TULP2: variants seen among roughly 807,000 people sequenced by gnomAD.
The protein encoded by TULP2 is TUB like protein 2.
TULP2 carries 64 observed loss-of-function variants against 60.3 expected under a neutral mutation model. That is an observed-to-expected ratio of 1.06 (90% CI 0.87 to 1.31). The LOEUF is 1.31. Ranked by LOEUF, TULP2 falls within the 50% of genes most tolerant of loss-of-function variation. The probability of loss-of-function intolerance (pLI) is 0.00; values close to 1 mark genes in which losing one functional copy is unlikely to be tolerated. For synonymous variants in TULP2, 267 were observed against 265.4 expected, an observed-to-expected ratio of 1.01 and a Z score of -0.06; for missense variants, 652 against 667.0, an observed-to-expected ratio of 0.98 and a Z score of 0.25.
intron 9 of TULP2, 150 bp from the exon 10 acceptor site, chr19:48,884,196 G>A (rs901221592): frequency 4.5e-6 from 3 of 670,182 alleles, no homozygotes; most frequent in Non-Finnish European, 7.7e-6. Flanking sequence ...GGGCACAGGG[G>A]CTCACACCTG....
intron 11 of TULP2, among the ~76,000 whole-genome samples, chr19:48,882,986 G>A (rs960151975): frequency 5.3e-5 from 8 of 152,330 alleles, no homozygotes; most frequent in Admixed American, 3.3e-4. Context: ...TTGGGAGGCC[G>A]AGGCGGGTGA....
chr19:48,885,424 A>G (rs2037170483), intron 9 of TULP2, 24 bp downstream of exon 9: 1 of 1,603,534 alleles, frequency 6.2e-7, no homozygotes, highest in Non-Finnish European at 8.5e-7. Flanking sequence ...CCTGCTCCTC[A>G]CCACATGTCA....
chr19:48,882,971 G>A (rs1336837836), intron 11 of TULP2, among the ~76,000 whole-genome samples: 3 of 152,206 alleles, frequency 2.0e-5, no homozygotes, highest in Non-Finnish European at 4.4e-5. Flanking sequence ...TGTAATCCCA[G>A]CACTTTGGGA....
At position 48,883,762 on chromosome 19, in the gene TULP2, G is replaced by T. The variant is rs2037155131; in HGVS notation, c.1267C>A (p.Pro423Thr). 1.2e-6 allele frequency: 2 copies of T among 1,614,030 alleles called. No individual in the cohort carries two copies. Among genetic ancestry groups the T allele is most frequent in the South Asian group, 1.1e-5 (1 of 91,054 alleles). Residue 423 changes from proline (P) to threonine (T), a missense_variant, in exon 11 of 13, where the codon CCA becomes ACA. Pro to Thr is a conservative substitution (Grantham distance 38). Coordinates refer to ENST00000221399, the MANE Select transcript of TULP2 (RefSeq NM_003323.3). The part of the protein sequence containing the change: ...NSQNQRINVQ[P>T]LNEQESLLSR... ...TGATGTCAGGGACTCACATTTAGTGGCTGGACATTGATTCGCTGGTTCTGG... is the reference window on the plus strand; with the variant it reads ...TGATGTCAGGGACTCACATTTAGTGTCTGGACATTGATTCGCTGGTTCTGG...
chr19:48,883,044 C>A (rs2037148588), intron 11 of TULP2, among the ~76,000 whole-genome samples: 1 of 152,026 alleles, frequency 6.6e-6, no homozygotes, highest in African/African-American at 2.4e-5. Context: ...ACAGTGAAAC[C>A]CCGGCTCTAC....
At chr19:48,887,003 G>A (rs1391522649) in intron 8 of TULP2, among the ~76,000 whole-genome samples, 3 of 145,998 alleles carry the variant, frequency 2.1e-5, no homozygotes, top group Admixed American at 6.9e-5. Flanking sequence ...GTGAACCACC[G>A]TGCCCGGCCT....
In TULP2 at chr19:48,897,948, C is replaced by CTTATTTATTTATTTAT. The variant is rs60572211; in HGVS notation, c.-1-95_-1-80dup. On this transcript the variant is annotated intron_variant, in intron 1 of 12. Transcript: ENST00000221399. This position sits in a 1 kb window ranked among gnomAD's most constrained non-coding sequence, Gnocchi z 4.0. ...TGCCCACCAGCACCTAATCTTTAGC[C>CTTATTTATTTATTTAT]TTATTTATTTATTTATTTATTTATT... 9.4e-6 allele frequency: 6 copies of CTTATTTATTTATTTAT among 638,426 alleles called. No individual in the cohort carries two copies. The highest frequency in any genetic ancestry group is 1.4e-5 in the Non-Finnish European group (6 of 416,880). 39.5% of individuals were successfully genotyped at this position (638,426 alleles called of 1,614,324 possible). A position where few individuals can be genotyped will look rare whatever the true frequency, so the allele number is the denominator to read the frequency against.
rs1182270033 is a variant in TULP2, at chr19:48,895,654, C to A, written c.212-151G>T. ...CAGCACTTTGGGAGGCCGAGGCAGG[C>A]GGATCACCTGAGGTCGGGAGTTCGA... On this transcript the variant is annotated intron_variant, in intron 4 of 12. Coordinates refer to ENST00000221399, the MANE Select transcript of TULP2 (RefSeq NM_003323.3). 5 of 935,140 alleles carry A rather than the reference C, an allele frequency of 5.3e-6. No homozygotes were observed. In the East Asian group the frequency reaches 7.8e-5, roughly 14 times the overall value. The allele number at this position is 935,140 out of a possible 1,614,324, so 57.9% of individuals were successfully genotyped here.
At chr19:48,883,632 T>C (rs2037153779) in intron 11 of TULP2, 122 bp downstream of exon 11, 12 of 1,005,664 alleles carry the variant, frequency 1.2e-5, no homozygotes, top group Non-Finnish European at 1.7e-5. Context: ...TCAGGCTTCA[T>C]GTGACACCTG....
At chr19:48,884,495 G>T (rs1024031324) in intron 9 of TULP2, among the ~76,000 whole-genome samples, 13 of 151,754 alleles carry the variant, frequency 8.6e-5, no homozygotes, top group Non-Finnish European at 5.9e-5. Flanking sequence ...ATGAGGCCGG[G>T]TACGGTGGCT....
intron 6 of TULP2, among the ~76,000 whole-genome samples, 178 bp from the exon 7 acceptor site, chr19:48,889,809 G>A (rs1463064884): frequency 6.6e-6 from 1 of 152,156 alleles, no homozygotes; most frequent in Admixed American, 6.6e-5. Context: ...TGTCCACTCA[G>A]GGTTAAATGG....
chr19:48,884,167 AAGAATCATGTTCCTGGCT>A, intron 9 of TULP2, 121 bp from the exon 10 acceptor site: 5 of 804,798 alleles, frequency 6.2e-6, no homozygotes, highest in Non-Finnish European at 9.9e-6. Flanking sequence ...CCGAATGTCT[AAGAATCATGTTCCTGGCT>A]GGGCACAGGG....
intron 9 of TULP2, among the ~76,000 whole-genome samples, chr19:48,884,310 C>A (rs1307910580): frequency 6.6e-6 from 1 of 151,828 alleles, no homozygotes; most frequent in Non-Finnish European, 1.5e-5. Flanking sequence ...TTGGGCGTGG[C>A]AGTTTGTGTC....
intron 9 of TULP2, 83 bp downstream of exon 9, chr19:48,885,365 C>G (rs1262511979): frequency 1.7e-6 from 2 of 1,152,708 alleles, no homozygotes; most frequent in Non-Finnish European, 2.6e-6. Flanking sequence ...AAGGTATGCT[C>G]TGTGGCCTGC....
At chr19:48,886,060 A>C (rs1252858830) in intron 8 of TULP2, among the ~76,000 whole-genome samples, 2 of 151,954 alleles carry the variant, frequency 1.3e-5, no homozygotes, top group Non-Finnish European at 2.9e-5. Flanking sequence ...TAATCCCAGC[A>C]CTTTGGGAGG....
At chr19:48,895,830 T>G (rs7256430) in intron 4 of TULP2, among the ~76,000 whole-genome samples, 66,029 of 151,796 alleles carry the variant, frequency 0.43, 15,184 homozygotes, top group African/African-American at 0.59. Flanking sequence ...GGTGAGCCGA[T>G]ATCCTGCCAT....
In TULP2 at chr19:48,883,675, C is replaced by T; in HGVS notation, c.1275+79G>A. The T allele has an allele frequency of 1.4e-5, 21 of 1,516,368 alleles. No individual in the cohort carries two copies. In the South Asian group the frequency reaches 2.2e-4, roughly 16 times the overall value. 93.9% of individuals were successfully genotyped at this position (1,516,368 alleles called of 1,614,324 possible). ...CTGGCCTCCTCTTCCTCCTCTTCTT[C>T]TTCCTCCTCTGGGATCTAGGAGGAC... On this transcript the variant is annotated intron_variant, in intron 11 of 12. Coordinates refer to ENST00000221399, the MANE Select transcript of TULP2 (RefSeq NM_003323.3).
intron 6 of TULP2, among the ~76,000 whole-genome samples, chr19:48,891,596 G>A (rs1275757440): frequency 3.9e-5 from 6 of 152,062 alleles, no homozygotes; most frequent in Admixed American, 1.3e-4. Context: ...GTGCCACTGC[G>A]CTCCAGCCTG....
intron 6 of TULP2, among the ~76,000 whole-genome samples, chr19:48,892,516 G>T (rs7254607): frequency 0.34 from 48,857 of 144,466 alleles, 8,888 homozygotes; most frequent in African/African-American, 0.51. Context: ...TTTTTTTTTT[G>T]GGGGGGGGAC....
Sources: gnomAD v4.1 joint callset for allele counts (sites outside exome capture counted in the v4.1 genomes callset) on GRCh38, gnomAD v4.1.1 for gene constraint, Gnocchi (gnomAD v3.1) non-coding constraint, MANE v1.5 for transcripts, NCBI Gene and HGNC (gene_info 2026-07-23, HGNC 2026-07-21) for gene names.